The following ZNRF1 variants were observed in gnomAD, a reference collection of about 807,000 sequenced individuals.
ZNRF1 encodes zinc and ring finger 1.
A neutral mutation model predicts 18.4 loss-of-function variants in ZNRF1; 3 were observed. The ratio of observed to expected loss-of-function variants is 0.16; its 90% confidence interval spans 0.07 to 0.42. The LOEUF (loss-of-function observed/expected upper bound fraction) is 0.42, where lower values mean the gene tolerates loss of function less well. ZNRF1 is among the 10% of genes least tolerant of loss of function. The pLI is 0.99. For missense variants in ZNRF1, 310 were observed against 329.8 expected (o/e 0.94, Z 0.47); for synonymous variants, 157 against 144.2 (o/e 1.09, Z -0.64).
At chr16:75,105,668 C>T (rs2036307011) in intron 3 of ZNRF1, 1 of 152,302 alleles carries the variant, frequency 6.6e-6, no homozygotes, top group Non-Finnish European at 1.5e-5. Flanking sequence ...GTCTAGCTCC[C>T]AGCACGGAGC....
intron 1 of ZNRF1, among the ~76,000 whole-genome samples, chr16:75,044,604 G>A (rs759608064): frequency 5.9e-5 from 9 of 151,658 alleles, no homozygotes; most frequent in Non-Finnish European, 1.2e-4. Flanking sequence ...GGCCTCAAGC[G>A]ATCCTCCTGC....
At chr16:75,037,601 G>A (rs1266035325) in intron 1 of ZNRF1, among the ~76,000 whole-genome samples, 1 of 152,102 alleles carries the variant, frequency 6.6e-6, no homozygotes, top group Admixed American at 6.5e-5. Context: ...GCCTCCCAAA[G>A]TGCTGCGATT....
intron 1 of ZNRF1, among the ~76,000 whole-genome samples, chr16:75,016,837 G>A (rs2035079331): frequency 2.1e-5 from 1 of 46,970 alleles, no homozygotes; most frequent in Non-Finnish European, 1.1e-4. Context: ...GAGCCACCGC[G>A]GCCGGCCTAC....
intron 1 of ZNRF1, among the ~76,000 whole-genome samples, chr16:75,062,981 T>A (rs1057488489): frequency 4.6e-5 from 7 of 152,188 alleles, no homozygotes; most frequent in Non-Finnish European, 8.8e-5. Context: ...ACAGGGTTCT[T>A]CCAGAACTTC....
chr16:75,003,959 A>ATT (rs61398639), intron 1 of ZNRF1, among the ~76,000 whole-genome samples: 1 of 146,174 alleles, frequency 6.8e-6, no homozygotes. Context: ...ATCGCCTCAG[A>ATT]TTTTTTTTTT....
intron 1 of ZNRF1, among the ~76,000 whole-genome samples, chr16:75,064,561 G>GA (rs566037984): frequency 0.043 from 5,452 of 127,036 alleles, 140 homozygotes; most frequent in Non-Finnish European, 0.063. Context: ...GTCTCCGAGG[G>GA]AAAAAAAAAA....
At chr16:75,040,628 CAG>C (rs1207243329) in intron 1 of ZNRF1, among the ~76,000 whole-genome samples, 1 of 70,078 alleles carries the variant, frequency 1.4e-5, no homozygotes, top group Admixed American at 2.4e-4. Context: ...TTTTTTGAGA[CAG>C]AGTTTTGCTC....
At chr16:75,089,870 G>T (rs1365843991) in intron 1 of ZNRF1, among the ~76,000 whole-genome samples, 2 of 152,180 alleles carry the variant, frequency 1.3e-5, no homozygotes, top group Admixed American at 1.3e-4. Context: ...AATCACGCTG[G>T]AATACAGGGG....
At chr16:75,101,209 C>G (rs2145428416) in intron 2 of ZNRF1, among the ~76,000 whole-genome samples, 1 of 152,354 alleles carries the variant, frequency 6.6e-6, no homozygotes, top group East Asian at 1.9e-4. Flanking sequence ...GCTGGAATTA[C>G]AGGCATGAGC....
chr16:75,050,623 C>T (rs1422784384), intron 1 of ZNRF1, among the ~76,000 whole-genome samples: 2 of 151,924 alleles, frequency 1.3e-5, no homozygotes, highest in East Asian at 3.9e-4. Flanking sequence ...AATCCCAGCA[C>T]TTTGGGAGGC....
intron 1 of ZNRF1, among the ~76,000 whole-genome samples, chr16:75,017,606 T>G (rs2035089257): frequency 6.6e-6 from 1 of 152,220 alleles, no homozygotes; most frequent in Non-Finnish European, 1.5e-5. Context: ...GAGAGCCATG[T>G]GATCTTAAAA....
chr16:75,007,797 C>T (rs145414354), intron 1 of ZNRF1, among the ~76,000 whole-genome samples: 2,390 of 152,274 alleles, frequency 0.016, 30 homozygotes, highest in Middle Eastern at 0.051. Context: ...GTTTTTCTCT[C>T]CCCAAACAGA....
chr16:75,048,232 T>C (rs1019615701), intron 1 of ZNRF1, among the ~76,000 whole-genome samples: 15 of 152,196 alleles, frequency 9.9e-5, no homozygotes, highest in African/African-American at 3.6e-4. Context: ...ATTACAGACA[T>C]GAGTCAGCCC....
chr16:75,006,300 T>A (rs1209582384), intron 1 of ZNRF1, among the ~76,000 whole-genome samples: 3 of 152,212 alleles, frequency 2.0e-5, no homozygotes, highest in African/African-American at 7.2e-5. Context: ...TGGTGGTAAC[T>A]TAAATGGGAT....
chr16:75,071,386 G>A (rs2035868422), intron 1 of ZNRF1, among the ~76,000 whole-genome samples: 1 of 152,082 alleles, frequency 6.6e-6, no homozygotes, highest in African/African-American at 2.4e-5. Flanking sequence ...CACCGTACCT[G>A]GCCACAGGTA....
chr16:75,051,259 G>T (rs2035599837), intron 1 of ZNRF1, among the ~76,000 whole-genome samples: 1 of 151,972 alleles, frequency 6.6e-6, no homozygotes, highest in Non-Finnish European at 1.5e-5. Flanking sequence ...CTAGTCTGGA[G>T]TGCAGTGGCA....
chr16:75,051,750 T>C (rs920982607), intron 1 of ZNRF1, among the ~76,000 whole-genome samples: 11 of 152,086 alleles, frequency 7.2e-5, no homozygotes, highest in African/African-American at 2.2e-4. Context: ...ACTCCTGACC[T>C]CATGATCCAC....
intron 1 of ZNRF1, among the ~76,000 whole-genome samples, chr16:75,047,954 ATTC>A (rs1238794726): frequency 1.8e-5 from 2 of 113,948 alleles, no homozygotes; most frequent in African/African-American, 5.8e-5. Flanking sequence ...TGTCCTCATC[ATTC>A]TTTTTTTTTT....
intron 1 of ZNRF1, among the ~76,000 whole-genome samples, chr16:75,083,712 T>C (rs1227909079): frequency 6.6e-6 from 1 of 152,144 alleles, no homozygotes; most frequent in East Asian, 1.9e-4. Flanking sequence ...TGCCAACCAT[T>C]TACCTCCTTG....
Sources: gnomAD v4.1 joint callset for allele counts (sites outside exome capture counted in the v4.1 genomes callset) on GRCh38, gnomAD v4.1.1 for gene constraint, MANE v1.5 for transcripts, NCBI Gene and HGNC (gene_info 2026-07-23, HGNC 2026-07-21) for gene names.